Variants in MCCC1 observed in about 807,000 individuals in gnomAD.
MCCC1 encodes methylcrotonoyl-CoA carboxylase subunit alpha, mitochondrial.
MCCC1 carries 64 observed loss-of-function variants against 83.8 expected under a neutral mutation model. That is an observed-to-expected ratio of 0.76 (90% CI 0.62 to 0.94). The LOEUF (loss-of-function observed/expected upper bound fraction) is 0.94. Ranked by LOEUF, MCCC1 falls within the 40% of genes least tolerant of loss-of-function variation. The pLI, the probability that MCCC1 is intolerant of heterozygous loss-of-function variation, is 0.00. For missense variants in MCCC1, 807 were observed against 904.7 expected (o/e 0.89, Z 1.39); for synonymous variants, 322 against 315.4 (o/e 1.02, Z -0.22).
upstream of MCCC1, among the ~76,000 whole-genome samples, chr3:183,103,473 G>T (rs1385234306): frequency 2.0e-5 from 3 of 151,974 alleles, no homozygotes; most frequent in Non-Finnish European, 2.9e-5. Context: ...GATTAGCCTA[G>T]ATTAGCTAGA....
chr3:183,045,546 A>C lies in MCCC1; in HGVS notation c.956-6T>G. 6.2e-7 allele frequency: 1 copy of C among 1,613,776 alleles called. No individual in the cohort carries two copies. The highest frequency in any genetic ancestry group is 8.5e-7 in the Non-Finnish European group (1 of 1,179,754). On this transcript the variant is annotated splice_polypyrimidine_tract_variant and splice_region_variant and intron_variant, in intron 9 of 18. Coordinates refer to ENST00000265594, the MANE Select transcript of MCCC1 (RefSeq NM_020166.5). ...CATAATAAACTCCACAGTCCCTAAA[A>C]GGTAAAAAACAATGGTCATATTCAA... is the stretch of plus-strand genomic sequence containing the variant.
chr3:183,041,042 T>C (rs1463189376), intron 11 of MCCC1, among the ~76,000 whole-genome samples: 1 of 152,212 alleles, frequency 6.6e-6, no homozygotes, highest in African/African-American at 2.4e-5. Context: ...GGAACACAAG[T>C]AGAAAAATCA....
At chr3:183,022,067 G>T (rs1490704913) in intron 16 of MCCC1, among the ~76,000 whole-genome samples, 1 of 152,142 alleles carries the variant, frequency 6.6e-6, no homozygotes, top group East Asian at 1.9e-4. Flanking sequence ...TTGTCAGGGG[G>T]ATGGTGGGTG....
intron 14 of MCCC1, 75 bp from the exon 15 acceptor site, chr3:183,025,879 CT>C (rs1377828056): frequency 2.3e-6 from 3 of 1,317,556 alleles, no homozygotes; most frequent in Non-Finnish European, 3.3e-6. Flanking sequence ...TATAAAGAAT[CT>C]CACTCTCAAC....
intron 4 of MCCC1, among the ~76,000 whole-genome samples, chr3:183,078,537 G>A (rs1717251071): frequency 1.3e-5 from 2 of 151,984 alleles, no homozygotes; most frequent in African/African-American, 4.8e-5. Context: ...TGTTTATTTA[G>A]AACTTCTTTA....
chr3:183,105,142 C>T (rs1261869498), intron 1 of MCCC1, among the ~76,000 whole-genome samples: 1 of 152,066 alleles, frequency 6.6e-6, no homozygotes, highest in African/African-American at 2.4e-5. Context: ...GTTGGGAGTT[C>T]GAGACTATCC....
At chr3:183,097,459 C>T (rs574342449) in intron 1 of MCCC1, among the ~76,000 whole-genome samples, 1 of 152,292 alleles carries the variant, frequency 6.6e-6, no homozygotes, top group African/African-American at 2.4e-5. Flanking sequence ...GTGGTGTGAT[C>T]ATGGCTCACT....
At chr3:183,059,250 A>G (rs1324884280) in intron 7 of MCCC1, among the ~76,000 whole-genome samples, 1 of 152,230 alleles carries the variant, frequency 6.6e-6, no homozygotes, top group Non-Finnish European at 1.5e-5. Flanking sequence ...CGGAGGCTGC[A>G]GTGGGCCGAG....
chr3:183,109,477 G>GC (rs1186734840), intron 1 of MCCC1, among the ~76,000 whole-genome samples: 1 of 152,132 alleles, frequency 6.6e-6, no homozygotes, highest in Non-Finnish European at 1.5e-5. Flanking sequence ...TGAACGTTTA[G>GC]CTCCCACTTG....
At chr3:183,102,019 C>T (rs1013422880), upstream of MCCC1, among the ~76,000 whole-genome samples, 1 of 151,940 alleles carries the variant, frequency 6.6e-6, no homozygotes, top group Non-Finnish European at 1.5e-5. Flanking sequence ...CCAGACGCGC[C>T]GCCTTAAGAG....
At chr3:183,075,344 G>A (rs146002553) in intron 4 of MCCC1, among the ~76,000 whole-genome samples, 49 of 152,220 alleles carry the variant, frequency 3.2e-4, no homozygotes, top group Admixed American at 5.9e-4. Flanking sequence ...GTGTATAAGC[G>A]TTCCCTTTTC....
At chr3:183,067,003 T>C (rs1302852957) in intron 7 of MCCC1, among the ~76,000 whole-genome samples, 1 of 152,264 alleles carries the variant, frequency 6.6e-6, no homozygotes, top group Non-Finnish European at 1.5e-5. Flanking sequence ...TACGGCAATA[T>C]AGTTATTTGC....
At position 183,099,455 on chromosome 3, in the gene MCCC1, G is replaced by A. The variant is rs1405573095; in HGVS notation, c.-15C>T. On this transcript the variant is annotated 5_prime_UTR_variant, in exon 1 of 19. Transcript: ENST00000265594. The stretch of plus-strand genomic sequence containing the variant: ...GCCGCCGCCATGTCCCTGGAGCCCG[G>A]CCACTCCGTGACTCCCCAGTACAGA... The A allele has an allele frequency of 1.3e-6, 2 of 1,597,098 alleles. No homozygotes were observed. The highest frequency in any genetic ancestry group is 1.1e-5 in the South Asian group (1 of 88,634).
chr3:183,086,914 A>G lies in MCCC1; in HGVS notation c.274-126T>C, dbSNP rs540228012. On this transcript the variant is annotated intron_variant, in intron 3 of 18. Transcript: ENST00000265594. ...ATGCCACTCCCTCAAGAACAGTGCAAGAATTGAAAAACTGAAGTACCAATG... is the reference window on the plus strand; with the variant it reads ...ATGCCACTCCCTCAAGAACAGTGCAGGAATTGAAAAACTGAAGTACCAATG... 171 of 834,022 alleles carry G rather than the reference A, an allele frequency of 2.1e-4. 1 individual carries two copies. In the African/African-American group the frequency reaches 2.5e-3, roughly 12 times the overall value. The allele number at this position is 834,022 out of a possible 1,614,324, so 51.7% of individuals were successfully genotyped here. A position where few individuals can be genotyped will look rare whatever the true frequency, so the allele number is the denominator to read the frequency against.
In MCCC1 at chr3:183,071,496, C is replaced by A. The variant is rs912736007; in HGVS notation, c.492-139G>T. ...TCGAGTCTGAGACGACAAAATAATA[C>A]AAATTTAATATGTCTATTAGTTAGT... On this transcript the variant is annotated intron_variant, in intron 5 of 18. Transcript: ENST00000265594. 6 of 1,240,882 alleles carry A rather than the reference C, an allele frequency of 4.8e-6. No homozygotes were observed. In the African/African-American group the frequency reaches 7.5e-5, roughly 16 times the overall value. The allele number at this position is 1,240,882 out of a possible 1,614,324, so 76.9% of individuals were successfully genotyped here.
At position 183,077,962 on chromosome 3, in the gene MCCC1, C is replaced by T. The variant is rs190704952; in HGVS notation, c.370-5475G>A. The stretch of plus-strand genomic sequence containing the variant: ...TGAGTTTATTTTTGGATTTTCTATC[C>T]TGTTCTACTGACCTGTTTTTATCCT... On this transcript the variant is annotated intron_variant, in intron 4 of 18. Coordinates refer to ENST00000265594, the MANE Select transcript of MCCC1 (RefSeq NM_020166.5). 1.3e-3 allele frequency among the ~76,000 whole-genome samples: 198 copies of T among 152,220 alleles called. 1 individual carries two copies. The highest frequency in any genetic ancestry group is 4.7e-3 in the African/African-American group (196 of 41,518).
At chr3:183,023,163 A>G (rs1261481627) in intron 15 of MCCC1, among the ~76,000 whole-genome samples, 1 of 152,232 alleles carries the variant, frequency 6.6e-6, no homozygotes, top group Non-Finnish European at 1.5e-5. Flanking sequence ...GAAGCTGATA[A>G]AAGGACATGG....
chr3:183,052,660 A>G (rs535859015), intron 8 of MCCC1, among the ~76,000 whole-genome samples: 8 of 145,546 alleles, frequency 5.5e-5, no homozygotes, highest in African/African-American at 1.8e-4. Context: ...TACAAAGAAA[A>G]TTAGCCAGGC....
chr3:183,028,387 T>C (rs1712781436), intron 14 of MCCC1, among the ~76,000 whole-genome samples: 1 of 152,264 alleles, frequency 6.6e-6, no homozygotes, highest in South Asian at 2.1e-4. Context: ...AATGTTTTCA[T>C]GCCTGCTAAG....
Sources: allele counts gnomAD v4.1 joint callset (sites outside exome capture counted in the v4.1 genomes callset), GRCh38; gene constraint gnomAD v4.1.1; transcripts MANE v1.5; gene names NCBI Gene and HGNC (gene_info 2026-07-23, HGNC 2026-07-21).